INCA1: variants seen among roughly 807,000 people sequenced by gnomAD.
The protein encoded by INCA1 is inhibitor of CDK, cyclin A1 interacting protein 1, also known as protein INCA1.
In INCA1, 28 loss-of-function variants were observed where a neutral mutation model predicts 25.7. The observed-to-expected ratio is 1.09, with a 90% CI of 0.81 to 1.49. The LOEUF is 1.49. Ranked by LOEUF, INCA1 falls within the 40% of genes most tolerant of loss-of-function variation. INCA1 has a pLI of 0.00. For missense variants in INCA1, 309 were observed against 290.9 expected (o/e 1.06, Z -0.45); for synonymous variants, 111 against 103.6 (o/e 1.07, Z -0.43).
exon 6 of INCA1, chr17:4,988,881 C>A (rs74744272): frequency 6.2e-7 from 1 of 1,614,164 alleles, no homozygotes; most frequent in Non-Finnish European, 8.5e-7. Context: ...ATCCACAGCC[C>A]TCTTCGCCAA....
Position 4,990,139 on chromosome 17 carries a change from C to G in INCA1, c.158+13G>C, listed in dbSNP as rs906821285. ...ACCACATCCAGTTAGTTTCCATTTT[C>G]TCCTCTACTCACGTGGGCCTTTGAT... is the stretch of plus-strand genomic sequence containing the variant. On this transcript the variant is annotated intron_variant, in intron 3 of 6. Coordinates refer to ENST00000576820, the Ensembl canonical transcript of INCA1. The G allele has an allele frequency of 1.9e-6, 3 of 1,614,102 alleles. No individual in the cohort carries two copies.
intron 5 of INCA1, 58 bp downstream of exon 5, chr17:4,989,370 A>G: frequency 6.6e-7 from 1 of 1,516,454 alleles, no homozygotes; most frequent in Non-Finnish European, 9.0e-7. Context: ...CTTAGCTCAA[A>G]CTGTTCTGCC....
exon 5 of INCA1, chr17:4,989,621 C>T (rs1171272969): frequency 3.1e-6 from 5 of 1,613,340 alleles, no homozygotes; most frequent in Non-Finnish European, 4.2e-6. Flanking sequence ...CAACCAGTGG[C>T]TCTCTGTGCC....
At chr17:4,993,443 T>C (rs1384673194) in intron 2 of INCA1, among the ~76,000 whole-genome samples, 2 of 152,156 alleles carry the variant, frequency 1.3e-5, no homozygotes, top group Non-Finnish European at 2.9e-5. Flanking sequence ...CCTTCCAAAG[T>C]GCTGAGATTA....
intron 1 of INCA1, among the ~76,000 whole-genome samples, chr17:4,994,953 C>T (rs945755468): frequency 6.6e-6 from 1 of 152,144 alleles, no homozygotes; most frequent in African/African-American, 2.4e-5. Flanking sequence ...TGCCTGTAAT[C>T]CCAGCCCTTT....
At chr17:4,993,762 C>A (rs975635694) in intron 2 of INCA1, among the ~76,000 whole-genome samples, 1 of 141,850 alleles carries the variant, frequency 7.0e-6, no homozygotes. Context: ...GCCACCGTGC[C>A]TGGCCTTTTT....
chr17:4,994,368 G>T (rs767988090), intron 2 of INCA1, 26 bp downstream of exon 2: 14 of 1,610,800 alleles, frequency 8.7e-6, no homozygotes, highest in Non-Finnish European at 1.2e-5. Flanking sequence ...CCATCCCCAT[G>T]CTCCCCACCC....
At chr17:4,988,828 G>C (rs2143150625) in exon 6 of INCA1, 6 of 1,614,182 alleles carry the variant, frequency 3.7e-6, no homozygotes, top group Non-Finnish European at 5.1e-6. Context: ...TGGATAGGTT[G>C]CTCTCTCCTC....
At chr17:4,995,573 T>C (rs769040260) in intron 1 of INCA1, among the ~76,000 whole-genome samples, 12 of 152,146 alleles carry the variant, frequency 7.9e-5, no homozygotes, top group Non-Finnish European at 1.6e-4. Flanking sequence ...GGCAAGAGAA[T>C]TGCCTGAGCT....
rs143392783 is a variant in INCA1, at chr17:4,994,412, T to C, written c.26A>G (p.Asn9Ser). The stretch of plus-strand genomic sequence containing the variant: ...GACTCACTTGGCAAAGGGGATGAGG[T>C]TGACTCCATCATCCTGCACCTGCAT... The change falls in exon 2 of 7, where the codon AAC becomes AGC. Residue 9 changes from asparagine to serine, a missense_variant. Physicochemically the swap from Asn to Ser is conservative, Grantham distance 46 (BLOSUM62 1). Coordinates refer to ENST00000576820, the Ensembl canonical transcript of INCA1. 5 of 1,613,700 alleles carry C rather than the reference T, an allele frequency of 3.1e-6. No individual in the cohort carries two copies. The African/African-American group carries it at 6.7e-5, about 22-fold the overall frequency.
intron 4 of INCA1, 95 bp from the exon 5 acceptor site, chr17:4,989,719 A>ATCTCG: frequency 6.4e-7 from 1 of 1,560,616 alleles, no homozygotes; most frequent in Non-Finnish European, 8.8e-7. Flanking sequence ...GGGTCTTGGG[A>ATCTCG]AGACCCCTGT....
In INCA1 at chr17:4,988,638, C is replaced by T. The variant is rs568589977; in HGVS notation, c.562-84G>A. 5.7e-6 allele frequency: 9 copies of T among 1,570,020 alleles called. No individual in the cohort carries two copies. The East Asian group carries it at 1.1e-4, about 20-fold the overall frequency. ...TCCTAGTACCCAAGCTTAGGTACCT[C>T]GAAGTCTCTGGTTCTCACCTACGTT... is the stretch of plus-strand genomic sequence containing the variant. On this transcript the variant is annotated intron_variant, in intron 6 of 6. Coordinates refer to ENST00000576820, the Ensembl canonical transcript of INCA1.
exon 7 of INCA1, chr17:4,988,251 G>A (rs1174898045): frequency 6.6e-6 from 5 of 757,200 alleles, no homozygotes; most frequent in Middle Eastern, 3.9e-4. Context: ...AGCCCACGGG[G>A]GCTGTTAATG....
rs35732129 is a variant in INCA1 at position 4,996,666 on chromosome 17, C to CAAAAAAAAA, written c.-39+328_-39+336dup. Among the ~76,000 whole-genome samples the CAAAAAAAAA allele has an allele frequency of 5.8e-5, 3 of 51,772 alleles. 1 individual carries two copies. Among genetic ancestry groups the CAAAAAAAAA allele is most frequent in the Non-Finnish European group, 9.0e-5 (3 of 33,216 alleles). 34.0% of individuals were successfully genotyped at this position (51,772 alleles called of 152,430 possible). ...TGGGCAACAGAGCAAGACTCCGTCT[C>CAAAAAAAAA]AAAAAAAAAAAAAAAAAAAAAAAAA... On this transcript the variant is annotated intron_variant, in intron 1 of 6. Transcript: ENST00000576820.
chr17:4,989,305 G>A, intron 5 of INCA1, 123 bp downstream of exon 5: 1 of 901,074 alleles, frequency 1.1e-6, no homozygotes, highest in South Asian at 1.6e-5. Context: ...TTCCTTCCAA[G>A]CAACCTCCCC....
intron 2 of INCA1, 140 bp downstream of exon 2, chr17:4,994,254 A>C: frequency 1.3e-6 from 1 of 797,994 alleles, no homozygotes; most frequent in Non-Finnish European, 2.1e-6. Flanking sequence ...TTTGTTGAAT[A>C]AATTAATGAA....
intron 3 of INCA1, 57 bp downstream of exon 3, chr17:4,990,095 G>C: frequency 6.2e-7 from 1 of 1,611,478 alleles, no homozygotes; most frequent in Admixed American, 1.7e-5. Flanking sequence ...TGGGTTTATG[G>C]TAGTTTAATC....
At chr17:4,989,672 C>T in intron 4 of INCA1, 48 bp from the exon 5 acceptor site, 6 of 1,601,642 alleles carry the variant, frequency 3.7e-6, no homozygotes, top group Non-Finnish European at 4.3e-6. Context: ...AACTGGCTCT[C>T]TCAAGGGAGC....
intron 2 of INCA1, among the ~76,000 whole-genome samples, chr17:4,993,334 C>A (rs558932914): frequency 5.9e-5 from 9 of 152,138 alleles, no homozygotes; most frequent in Admixed American, 2.6e-4. Flanking sequence ...CATGCGCCAC[C>A]ACACTTGGCT....
Sources: gnomAD v4.1 joint callset for allele counts (sites outside exome capture counted in the v4.1 genomes callset) on GRCh38, gnomAD v4.1.1 for gene constraint, MANE v1.5 for transcripts, NCBI Gene and HGNC (gene_info 2026-07-23, HGNC 2026-07-21) for gene names.